The following ITGA3 variants were observed in gnomAD, a reference collection of about 807,000 sequenced individuals.
ITGA3 encodes the protein integrin subunit alpha 3.
A neutral mutation model predicts 131.1 loss-of-function variants in ITGA3; 70 were observed. The observed-to-expected ratio is 0.53, with a 90% CI of 0.44 to 0.65. ITGA3 has a LOEUF of 0.65. Ranked by LOEUF, ITGA3 falls within the 30% of genes least tolerant of loss-of-function variation. ITGA3 has a pLI of 0.00. For missense variants in ITGA3, 1,098 were observed against 1,388.6 expected (o/e 0.79, Z 3.33); for synonymous variants, 537 against 571.6 (o/e 0.94, Z 0.86).
At chr17:50,083,639 G>A (rs1294051635) in intron 23 of ITGA3, among the ~76,000 whole-genome samples, 4 of 150,514 alleles carry the variant, frequency 2.7e-5, no homozygotes, top group South Asian at 4.2e-4. Flanking sequence ...CAGGAGAATC[G>A]CTTGAGCTCA....
chr17:50,076,508 A>G (rs769571118), intron 13 of ITGA3, 33 bp downstream of exon 13: 5 of 1,582,422 alleles, frequency 3.2e-6, no homozygotes, highest in African/African-American at 2.7e-5. Context: ...CTGGAAGACC[A>G]GGGGCCAGAA....
intron 3 of ITGA3, chr17:50,065,651 T>C (rs1170109696): frequency 6.6e-6 from 1 of 152,086 alleles, no homozygotes; most frequent in Non-Finnish European, 1.5e-5. Context: ...CTTACGCTGA[T>C]GGCAGCAGGC....
At chr17:50,078,563 A>T (rs556312837) in intron 18 of ITGA3, among the ~76,000 whole-genome samples, 25 of 152,324 alleles carry the variant, frequency 1.6e-4, no homozygotes, top group African/African-American at 5.3e-4. Context: ...AGGATTTTAT[A>T]TACATCATCT....
chr17:50,068,481 C>A (rs764144632), intron 4 of ITGA3, among the ~76,000 whole-genome samples, 176 bp downstream of exon 4: 1 of 152,136 alleles, frequency 6.6e-6, no homozygotes, highest in African/African-American at 2.4e-5. Context: ...AGGGGCCTTA[C>A]GCATATTATG....
intron 3 of ITGA3, chr17:50,065,149 G>C (rs1908280052): frequency 6.7e-6 from 1 of 149,114 alleles, no homozygotes; most frequent in Admixed American, 6.6e-5. Context: ...TCTGTCTCTT[G>C]TTGTTGTTGT....
chr17:50,082,589 G>C (rs1490332487), intron 23 of ITGA3, among the ~76,000 whole-genome samples: 2 of 152,068 alleles, frequency 1.3e-5, no homozygotes, highest in African/African-American at 2.4e-5. Context: ...TGGGATTACA[G>C]GTATTAGCTA....
At chr17:50,081,519 C>A in intron 23 of ITGA3, 111 bp downstream of exon 23, 1 of 811,936 alleles carries the variant, frequency 1.2e-6, no homozygotes, top group Admixed American at 2.1e-5. Flanking sequence ...CAATCTTGGC[C>A]ACACGGTAAG....
rs769430191 is a variant in ITGA3, at chr17:50,070,925, A to G, written c.746A>G (p.Tyr249Cys). The G allele has an allele frequency of 2.5e-6, 4 of 1,588,306 alleles. No individual in the cohort carries two copies. Among genetic ancestry groups the G allele is most frequent in the Non-Finnish European group, 3.5e-6 (4 of 1,156,578 alleles). The change falls in exon 5 of 26, where the codon TAT (tyrosine) becomes TGT (cysteine). Residue 249 changes from tyrosine (Y) to cysteine (C), a missense_variant. This residue lies in a region of ITGA3 where 356 missense variants were observed against 529.2 expected (regional missense o/e 0.67). Coordinates refer to ENST00000320031, the MANE Select transcript of ITGA3 (RefSeq NM_002204.4). ...GACCCAGAGGACCAAGGAAACCTCT[A>G]TATTGGTGAGTACAGTAGTGGTAGC... ...YKDPEDQGNL[Y>C]IGYTMQVGSF...
At chr17:50,069,890 A>T (rs1222435138) in intron 4 of ITGA3, among the ~76,000 whole-genome samples, 2 of 152,172 alleles carry the variant, frequency 1.3e-5, no homozygotes, top group Admixed American at 6.5e-5. Flanking sequence ...AGGTTGTAGC[A>T]ATAGGGACCC....
At chr17:50,074,837 G>C (rs1908809961) in intron 10 of ITGA3, among the ~76,000 whole-genome samples, 1 of 152,252 alleles carries the variant, frequency 6.6e-6, no homozygotes, top group Non-Finnish European at 1.5e-5. Flanking sequence ...ACGCATTTAA[G>C]TGGATGGATA....
At chr17:50,066,420 A>G (rs2144269307) in intron 3 of ITGA3, among the ~76,000 whole-genome samples, 3 of 151,776 alleles carry the variant, frequency 2.0e-5, no homozygotes, top group Middle Eastern at 6.8e-3. Context: ...CCTGGGCTCA[A>G]GTGATCCTCC....
rs113378112 is a variant in ITGA3, at chr17:50,081,150, G to A, written c.2821-160G>A. On this transcript the variant is annotated intron_variant, in intron 22 of 25. Transcript: ENST00000320031. ...GAATGAACAAATAAATGAATGATGC[G>A]CATTTGTGTGTGGAGGGGAGGCCTG... The A allele has an allele frequency of 2.7e-4, 160 of 591,976 alleles. 1 individual carries two copies. The highest frequency in any genetic ancestry group is 2.6e-3 in the African/African-American group (142 of 53,756). The allele number at this position is 591,976 out of a possible 1,614,324, so 36.7% of individuals were successfully genotyped here.
intron 12 of ITGA3, 112 bp downstream of exon 12, chr17:50,075,847 GGGACATC>G: frequency 8.8e-6 from 10 of 1,137,878 alleles, no homozygotes; most frequent in Non-Finnish European, 8.9e-6. Context: ...ACAGAGGTTG[GGGACATC>G]GGTTTGGAAG....
At chr17:50,078,306 C>T in intron 18 of ITGA3, 22 bp downstream of exon 18, 1 of 1,597,740 alleles carries the variant, frequency 6.3e-7, no homozygotes, top group Non-Finnish European at 8.6e-7. Flanking sequence ...TCTCCACCAC[C>T]CCCACCCCAG....
chr17:50,057,209 G>A (rs977583738), intron 1 of ITGA3, among the ~76,000 whole-genome samples: 10 of 152,172 alleles, frequency 6.6e-5, no homozygotes, highest in African/African-American at 9.7e-5. Context: ...TCCCTCTGAC[G>A]CCTTGAGGAT....
In ITGA3 at chr17:50,088,226, G is replaced by C. The variant is rs372355315; in HGVS notation, c.3047G>C (p.Cys1016Ser). 3 of 1,559,562 alleles carry C rather than the reference G, an allele frequency of 1.9e-6. No homozygotes were observed. The highest frequency in any genetic ancestry group is 2.6e-6 in the Non-Finnish European group (3 of 1,151,794). The change falls in exon 25 of 26, where the codon TGC becomes TCC. Residue 1016 changes from cysteine to serine, a missense_variant and splice_region_variant. By Grantham distance (112) the Cys-to-Ser change is moderately radical (BLOSUM62 -1). Around this residue, in one of 3 missense-constraint regions of ITGA3, gnomAD observed 699 missense variants for 829.2 expected, o/e 0.84. Coordinates refer to ENST00000320031, the MANE Select transcript of ITGA3 (RefSeq NM_002204.4). ...GTCCCCACCTCCTCCCCTCCGCAGT[G>C]CGGCTTCTTCAAGCGAGCCCGCACT... is the stretch of plus-strand genomic sequence containing the variant. ...LGLIILLLWK[C>S]GFFKRARTRA... is the part of the protein sequence containing the mutation.
At chr17:50,081,722 C>G (rs1476631750) in intron 23 of ITGA3, among the ~76,000 whole-genome samples, 1 of 152,166 alleles carries the variant, frequency 6.6e-6, no homozygotes, top group East Asian at 1.9e-4. Context: ...GGGACTGCCT[C>G]TCTATTTTAT....
chr17:50,079,393 T>TCTTC, intron 20 of ITGA3, 42 bp from the exon 21 acceptor site: 1 of 1,548,460 alleles, frequency 6.5e-7, no homozygotes, highest in Non-Finnish European at 8.7e-7. Flanking sequence ...TGCTCCCAAT[T>TCTTC]CTTCCTCTGC....
At chr17:50,076,736 T>C in intron 14 of ITGA3, 55 bp downstream of exon 14, 1 of 1,432,664 alleles carries the variant, frequency 7.0e-7, no homozygotes, top group Non-Finnish European at 9.8e-7. Flanking sequence ...GGGGCCTCAT[T>C]AACTGGCAGG....
Sources: gnomAD v4.1 joint callset for allele counts (sites outside exome capture counted in the v4.1 genomes callset) on GRCh38, gnomAD v4.1.1 for gene constraint, gnomAD v4.1.1 regional missense constraint, MANE v1.5 for transcripts, NCBI Gene and HGNC (gene_info 2026-07-23, HGNC 2026-07-21) for gene names.